The following USP24 variants were observed in gnomAD, a reference collection of about 807,000 sequenced individuals.
USP24 encodes the protein ubiquitin specific peptidase 24.
USP24 carries 97 observed loss-of-function variants against 361.6 expected under a neutral mutation model. That is an observed-to-expected ratio of 0.27 (90% CI 0.23 to 0.32). USP24 has a LOEUF of 0.32. USP24 is among the 10% of genes least tolerant of loss of function. The probability of loss-of-function intolerance (pLI) is 1.00; values close to 1 mark genes in which losing one functional copy is unlikely to be tolerated. For synonymous variants in USP24, 1,098 were observed against 1,124.6 expected, an observed-to-expected ratio of 0.98 and a Z score of 0.47; for missense variants, 2,353 against 3,165.6, an observed-to-expected ratio of 0.74 and a Z score of 6.16.
chr1:55,153,946 G>A (rs2100739685), intron 15 of USP24, 29 bp from the exon 16 acceptor site: 1 of 1,549,232 alleles, frequency 6.5e-7, no homozygotes, highest in East Asian at 2.4e-5. Flanking sequence ...AGAAATATAA[G>A]TGACTTGGTA....
chr1:55,140,091 A>G (rs1384550418), intron 24 of USP24, among the ~76,000 whole-genome samples: 1 of 152,158 alleles, frequency 6.6e-6, no homozygotes, highest in Non-Finnish European at 1.5e-5. Context: ...TTCTGGTTCA[A>G]ATTCGACTTT....
At position 55,073,733 on chromosome 1, in the gene USP24, C is replaced by A. The variant is rs1644966018; in HGVS notation, c.7526+95G>T. Reference sequence around the variant, plus strand: ...GCAGGCCCTGACTGAGTCAGATTCTCCAGGTATCAAAACCGGGCACATGTT... The same window carrying A: ...GCAGGCCCTGACTGAGTCAGATTCTACAGGTATCAAAACCGGGCACATGTT... On this transcript the variant is annotated intron_variant, in intron 64 of 67. Transcript: ENST00000294383. 7 of 1,185,182 alleles carry A rather than the reference C, an allele frequency of 5.9e-6. No individual in the cohort carries two copies. In the Admixed American group the frequency reaches 1.2e-4, roughly 20 times the overall value. The allele number at this position is 1,185,182 out of a possible 1,614,324, so 73.4% of individuals were successfully genotyped here. A position where few individuals can be genotyped will look rare whatever the true frequency, so the allele number is the denominator to read the frequency against.
chr1:55,187,050 A>G (rs1644151664), intron 1 of USP24, among the ~76,000 whole-genome samples: 1 of 152,214 alleles, frequency 6.6e-6, no homozygotes, highest in Non-Finnish European at 1.5e-5. Flanking sequence ...ACATATATTA[A>G]AAAGATCCTA....
chr1:55,127,516 C>T (rs555574050), intron 32 of USP24, among the ~76,000 whole-genome samples: 4 of 152,150 alleles, frequency 2.6e-5, no homozygotes, highest in African/African-American at 4.8e-5. Context: ...TGAATAGTGC[C>T]GCAATAAACA....
At chr1:55,192,470 T>C (rs1472578168) in intron 1 of USP24, among the ~76,000 whole-genome samples, 4 of 152,226 alleles carry the variant, frequency 2.6e-5, no homozygotes, top group African/African-American at 7.2e-5. Context: ...CTGATCAATA[T>C]ATAGAAAAAT....
rs898536711 is a variant in USP24 at position 55,113,032 on chromosome 1, C to CT, written c.4509-2787dup. On this transcript the variant is annotated intron_variant, in intron 38 of 67. Transcript: ENST00000294383. ...ACCATTGTGTAATGCCCTTCTTTGT[C>CT]TTTTTTTGACCTTTGTTGGTTTAAA... Among the ~76,000 whole-genome samples the CT allele has an allele frequency of 4.6e-5, 7 of 152,090 alleles. No individual in the cohort carries two copies. In the South Asian group the frequency reaches 8.3e-4, roughly 18 times the overall value.
intron 7 of USP24, among the ~76,000 whole-genome samples, chr1:55,164,045 G>C (rs966854435): frequency 2.0e-5 from 3 of 151,940 alleles, no homozygotes; most frequent in Non-Finnish European, 4.4e-5. Context: ...CTCTATAATA[G>C]CAAAAACATA....
intron 32 of USP24, 131 bp from the exon 33 acceptor site, chr1:55,125,889 T>C (rs1646414977): frequency 2.8e-6 from 2 of 714,030 alleles, no homozygotes; most frequent in Non-Finnish European, 4.5e-6. Flanking sequence ...AAAAAGAGCC[T>C]ACATATATCT....
intron 55 of USP24, among the ~76,000 whole-genome samples, chr1:55,087,496 C>T (rs1372796978): frequency 6.6e-6 from 1 of 152,202 alleles, no homozygotes; most frequent in Admixed American, 6.5e-5. Context: ...AATGCTTGCA[C>T]AATGCTCAGG....
intron 56 of USP24, 24 bp downstream of exon 56, chr1:55,085,918 T>A: frequency 1.9e-6 from 3 of 1,601,428 alleles, no homozygotes; most frequent in Non-Finnish European, 2.6e-6. Flanking sequence ...AGTGTATAAA[T>A]AACGTTTTAA....
Position 55,209,485 on chromosome 1 carries a change from T to A in USP24, c.324+5305A>T, listed in dbSNP as rs1644798708. ...CGGCTTTTAAAGCTTTCCTGTTCCC[T>A]CCTTGACCACTAAGCTGCTACTGTC... On this transcript the variant is annotated intron_variant, in intron 1 of 67. Coordinates refer to ENST00000294383, the MANE Select transcript of USP24 (RefSeq NM_015306.3). Among the ~76,000 whole-genome samples, 3 of 152,150 alleles carry A rather than the reference T, an allele frequency of 2.0e-5. No homozygotes were observed. In the South Asian group the frequency reaches 6.2e-4, roughly 32 times the overall value.
chr1:55,215,203 C>A lies in USP24; in HGVS notation c.-90G>T. 1 of 1,103,290 alleles carries A rather than the reference C, an allele frequency of 9.1e-7. No homozygotes were observed. The highest frequency in any genetic ancestry group is 3.6e-5 in the East Asian group (1 of 27,446). The allele number at this position is 1,103,290 out of a possible 1,614,324, so 68.3% of individuals were successfully genotyped here. Reference sequence around the variant, plus strand: ...CCGCGCGGCGCACCCTCCGCGCCGCCTCCGCGCCCAGGTTGGCCCCTGCGT... The same window carrying A: ...CCGCGCGGCGCACCCTCCGCGCCGCATCCGCGCCCAGGTTGGCCCCTGCGT... On this transcript the variant is annotated 5_prime_UTR_variant, in exon 1 of 68. In the 5' UTR this introduces an upstream ATG that the reference lacks. Coordinates refer to ENST00000294383, the MANE Select transcript of USP24 (RefSeq NM_015306.3).
At chr1:55,172,640 G>T in intron 3 of USP24, 120 bp from the exon 4 acceptor site, 1 of 1,115,282 alleles carries the variant, frequency 9.0e-7, no homozygotes, top group Non-Finnish European at 1.2e-6. Context: ...TTATGTAGAT[G>T]ATTGGCTTTT....
intron 1 of USP24, among the ~76,000 whole-genome samples, chr1:55,208,182 T>G (rs535729464): frequency 6.6e-6 from 1 of 152,180 alleles, no homozygotes; most frequent in Admixed American, 6.5e-5. Flanking sequence ...TTCTCACACA[T>G]AACACACACA....
intron 39 of USP24, 33 bp downstream of exon 39, chr1:55,110,152 C>G (rs1645908246): frequency 3.3e-6 from 5 of 1,504,820 alleles, no homozygotes; most frequent in Non-Finnish European, 4.5e-6. Context: ...TCTTCCCCAG[C>G]CCCTCTCCCC....
At chr1:55,210,189 G>C (rs2100955261) in intron 1 of USP24, among the ~76,000 whole-genome samples, 1 of 152,272 alleles carries the variant, frequency 6.6e-6, no homozygotes, top group African/African-American at 2.4e-5. Context: ...TACAAGGTGA[G>C]ACTCCAACCA....
At chr1:55,148,371 T>G (rs1228154617) in intron 17 of USP24, 92 bp downstream of exon 17, 2 of 864,088 alleles carry the variant, frequency 2.3e-6, no homozygotes, top group Non-Finnish European at 3.6e-6. Flanking sequence ...AACATAAAGA[T>G]AGTGACTATA....
chr1:55,183,281 C>G (rs1644030424), intron 1 of USP24, among the ~76,000 whole-genome samples: 1 of 152,108 alleles, frequency 6.6e-6, no homozygotes, highest in African/African-American at 2.4e-5. Context: ...GGTAAAGGGG[C>G]ATGGTGTCTG....
At chr1:55,124,981 G>A (rs1402637261) in intron 34 of USP24, among the ~76,000 whole-genome samples, 1 of 152,020 alleles carries the variant, frequency 6.6e-6, no homozygotes, top group Non-Finnish European at 1.5e-5. Context: ...AACTTTCTAA[G>A]TACTTATCTC....
Sources: allele counts gnomAD v4.1 joint callset (sites outside exome capture counted in the v4.1 genomes callset), GRCh38; gene constraint gnomAD v4.1.1; transcripts MANE v1.5; gene names NCBI Gene and HGNC (gene_info 2026-07-23, HGNC 2026-07-21).